SRGAP1: variants seen among roughly 807,000 people sequenced by gnomAD.
SRGAP1 encodes SLIT-ROBO Rho GTPase-activating protein 1.
Under a neutral mutation model 121.9 loss-of-function variants are expected in SRGAP1, and 43 were observed. The ratio of observed to expected loss-of-function variants is 0.35; its 90% confidence interval spans 0.28 to 0.46. The LOEUF is 0.46. Ranked by LOEUF, SRGAP1 falls within the 20% of genes least tolerant of loss-of-function variation. The pLI is 1.00. For synonymous variants in SRGAP1, 447 were observed against 485.4 expected (o/e 0.92, Z 1.04); for missense variants, 1,102 against 1,350.9 (o/e 0.82, Z 2.89).
At chr12:63,966,628 G>T (rs1186143906) in intron 1 of SRGAP1, among the ~76,000 whole-genome samples, 1 of 151,994 alleles carries the variant, frequency 6.6e-6, no homozygotes, top group East Asian at 1.9e-4. Context: ...AACTTGGGGG[G>T]TGAGGGAAGG....
intron 21 of SRGAP1, among the ~76,000 whole-genome samples, chr12:64,140,538 CTGTT>C (rs758548064): frequency 2.6e-5 from 4 of 152,094 alleles, no homozygotes; most frequent in Non-Finnish European, 4.4e-5. Flanking sequence ...ATTTGGCTCT[CTGTT>C]TGTCTGTTGC....
Position 64,097,323 on chromosome 12 carries a change from G to T in SRGAP1, c.1761G>T (p.Leu587=), listed in dbSNP as rs1222001183. The T allele has an allele frequency of 1.9e-6, 3 of 1,612,832 alleles. No individual in the cohort carries two copies. Among genetic ancestry groups the T allele is most frequent in the Admixed American group, 1.7e-5 (1 of 59,866 alleles). The change falls in exon 15 of 22, where the codon CTG becomes CTT. Residue 587 remains leucine, a synonymous_variant. Transcript: ENST00000355086. ...AGVLKLYFRG[L]ENPLFPKERF... is the part of the protein sequence containing the mutation. ...TTCTGAAGCTCTATTTCCGTGGGCT[G>T]GAAAACCCCCTCTTTCCTAAGGAAA...
intron 11 of SRGAP1, among the ~76,000 whole-genome samples, chr12:64,089,789 G>T (rs1049655391): frequency 6.6e-6 from 1 of 152,122 alleles, no homozygotes; most frequent in African/African-American, 2.4e-5. Flanking sequence ...TGCTTGCTGT[G>T]CACCTTGTTC....
intron 1 of SRGAP1, among the ~76,000 whole-genome samples, chr12:63,898,841 G>A (rs1421489359): frequency 6.6e-6 from 1 of 152,182 alleles, no homozygotes; most frequent in Non-Finnish European, 1.5e-5. Context: ...TAAAAGGAAT[G>A]CTAAGGAAAC....
At chr12:63,978,911 G>T (rs770272943) in intron 1 of SRGAP1, among the ~76,000 whole-genome samples, 19 of 151,986 alleles carry the variant, frequency 1.3e-4, no homozygotes, top group Admixed American at 2.0e-4. Context: ...GTGTGAAGTG[G>T]CACCCCATTG....
At chr12:64,021,132 G>A (rs1220740119) in intron 4 of SRGAP1, among the ~76,000 whole-genome samples, 6 of 152,132 alleles carry the variant, frequency 3.9e-5, no homozygotes, top group African/African-American at 1.4e-4. Context: ...GCAACAGAAT[G>A]GAAACAGGGA....
At position 64,128,265 on chromosome 12, in the gene SRGAP1, ATTTACTTTATTTACTT is replaced by A. The variant is rs368052170; in HGVS notation, c.2880+83_2880+98del. 363 of 1,327,400 alleles carry A rather than the reference ATTTACTTTATTTACTT, an allele frequency of 2.7e-4. 1 individual carries two copies. In the African/African-American group the frequency reaches 4.4e-3, roughly 16 times the overall value. The allele number at this position is 1,327,400 out of a possible 1,614,324, so 82.2% of individuals were successfully genotyped here. A position where few individuals can be genotyped will look rare whatever the true frequency, so the allele number is the denominator to read the frequency against. On this transcript the variant is annotated intron_variant, in intron 21 of 21. Coordinates refer to ENST00000355086, the MANE Select transcript of SRGAP1 (RefSeq NM_020762.4). ...AAGTGTGATGTAGGAGGTGTGAAAG[ATTTACTTTATTTACTT>A]TTTACTTTATTTACTTTATATTTCT...
intron 1 of SRGAP1, among the ~76,000 whole-genome samples, chr12:63,946,935 G>A (rs1459780064): frequency 6.6e-6 from 1 of 152,002 alleles, no homozygotes; most frequent in Non-Finnish European, 1.5e-5. Flanking sequence ...ACTTAGCAAA[G>A]ATTTTTTTTT....
intron 1 of SRGAP1, among the ~76,000 whole-genome samples, chr12:63,862,508 C>T (rs927831533): frequency 6.6e-6 from 1 of 152,184 alleles, no homozygotes; most frequent in African/African-American, 2.4e-5. Context: ...GAAGGTGCGG[C>T]TTATGCAAAC....
chr12:64,033,589 A>G (rs927898657), intron 4 of SRGAP1, among the ~76,000 whole-genome samples: 3 of 152,158 alleles, frequency 2.0e-5, no homozygotes, highest in East Asian at 3.9e-4. Context: ...ATGGTGGCGA[A>G]TGCCTGTTAT....
intron 1 of SRGAP1, among the ~76,000 whole-genome samples, chr12:63,938,219 G>C (rs2031735245): frequency 6.6e-6 from 1 of 152,218 alleles, no homozygotes; most frequent in Non-Finnish European, 1.5e-5. Flanking sequence ...TCTGAGCCTG[G>C]TTTGGTGCCT....
chr12:63,935,392 T>C (rs2136343734), intron 1 of SRGAP1, among the ~76,000 whole-genome samples: 1 of 152,348 alleles, frequency 6.6e-6, no homozygotes, highest in African/African-American at 2.4e-5. Context: ...TCCAACACTT[T>C]GAAAATGTGA....
intron 3 of SRGAP1, among the ~76,000 whole-genome samples, chr12:64,015,399 A>G (rs1593044410): frequency 1.3e-5 from 2 of 152,282 alleles, no homozygotes; most frequent in African/African-American, 4.8e-5. Context: ...ATCTTCACAT[A>G]TCAGGGACAC....
intron 3 of SRGAP1, among the ~76,000 whole-genome samples, chr12:64,010,876 A>T (rs961242281): frequency 6.6e-6 from 1 of 151,494 alleles, no homozygotes; most frequent in Non-Finnish European, 1.5e-5. Flanking sequence ...TTAGAGTTTG[A>T]ACTCTTAGCC....
intron 1 of SRGAP1, among the ~76,000 whole-genome samples, chr12:63,947,523 G>A (rs2032089157): frequency 6.6e-6 from 1 of 152,176 alleles, no homozygotes; most frequent in South Asian, 2.1e-4. Flanking sequence ...GTGGATACCT[G>A]TTGCTCTAGA....
intron 1 of SRGAP1, among the ~76,000 whole-genome samples, chr12:63,877,585 G>T (rs1900068612): frequency 6.6e-6 from 1 of 152,190 alleles, no homozygotes. Flanking sequence ...TTATAGTAAT[G>T]CTACAGTGTT....
intron 1 of SRGAP1, among the ~76,000 whole-genome samples, chr12:63,950,355 C>T (rs2032246557): frequency 6.6e-6 from 1 of 152,106 alleles, no homozygotes; most frequent in African/African-American, 2.4e-5. Flanking sequence ...TTGCTAAGTC[C>T]CTGCACCAGG....
chr12:64,047,212 G>A (rs1209978614), intron 6 of SRGAP1, among the ~76,000 whole-genome samples: 1 of 152,142 alleles, frequency 6.6e-6, no homozygotes, highest in Non-Finnish European at 1.5e-5. Context: ...CTGAAATTGG[G>A]TACTCTCTTA....
intron 1 of SRGAP1, among the ~76,000 whole-genome samples, chr12:63,935,568 T>G (rs1312008594): frequency 6.6e-6 from 1 of 152,212 alleles, no homozygotes; most frequent in Middle Eastern, 3.2e-3. Flanking sequence ...TAAATGAAAT[T>G]GCTAAATATC....
Sources: allele counts gnomAD v4.1 joint callset (sites outside exome capture counted in the v4.1 genomes callset), GRCh38; gene constraint gnomAD v4.1.1; transcripts MANE v1.5; gene names NCBI Gene and HGNC (gene_info 2026-07-23, HGNC 2026-07-21).